RALGPS2: variants seen among roughly 807,000 people sequenced by gnomAD.
RALGPS2 encodes the protein ras-specific guanine nucleotide-releasing factor RalGPS2.
In RALGPS2, 43 loss-of-function variants were observed where a neutral mutation model predicts 86.8. The observed-to-expected ratio is 0.50, with a 90% CI of 0.39 to 0.64. The LOEUF is 0.64. RALGPS2 is among the 30% of genes least tolerant of loss of function. RALGPS2 has a pLI of 0.00. For synonymous variants in RALGPS2, 243 were observed against 231.3 expected, an observed-to-expected ratio of 1.05 and a Z score of -0.46; for missense variants, 536 against 694.6, an observed-to-expected ratio of 0.77 and a Z score of 2.57.
At chr1:178,850,200 C>T (rs1657082687) in intron 8 of RALGPS2, 1 of 152,574 alleles carries the variant, frequency 6.6e-6, no homozygotes, top group Non-Finnish European at 1.5e-5. Flanking sequence ...TGCACTAATA[C>T]TTGTAAAGCT....
intron 8 of RALGPS2, chr1:178,851,441 A>C: frequency 1.2e-5 from 10 of 841,014 alleles, no homozygotes; most frequent in Non-Finnish European, 1.5e-5. Flanking sequence ...CCTTTATCTC[A>C]GCAGTTTTAA....
At position 178,918,628 on chromosome 1, in the gene RALGPS2, TCTGA is replaced by T. The variant is rs554578033; in HGVS notation, c.*2276_*2279del. On this transcript the variant is annotated 3_prime_UTR_variant, in exon 20 of 20. Transcript: ENST00000367635. ...ATAGTTTATAGATAGACTTGTGGCC[TCTGA>T]CTGACTAAATTTCTTAACAGCACAG... 2.3e-3 allele frequency: 355 copies of T among 152,248 alleles called. 1 individual carries two copies. Among genetic ancestry groups the T allele is most frequent in the African/African-American group, 8.4e-3 (349 of 41,574 alleles). 9.4% of individuals were successfully genotyped at this position (152,248 alleles called of 1,614,324 possible). A position where few individuals can be genotyped will look rare whatever the true frequency, so the allele number is the denominator to read the frequency against.
intron 8 of RALGPS2, among the ~76,000 whole-genome samples, chr1:178,862,451 G>A (rs1401915918): frequency 6.6e-6 from 1 of 152,084 alleles, no homozygotes; most frequent in Non-Finnish European, 1.5e-5. Flanking sequence ...TATTCTGAGT[G>A]TATGTAAAGA....
At chr1:178,769,344 T>C (rs1468441648) in intron 1 of RALGPS2, among the ~76,000 whole-genome samples, 1 of 152,044 alleles carries the variant, frequency 6.6e-6, no homozygotes, top group Non-Finnish European at 1.5e-5. Context: ...GTGCTCCAAA[T>C]GCTTGGAGAT....
intron 1 of RALGPS2, among the ~76,000 whole-genome samples, chr1:178,737,497 C>T (rs560464619): frequency 7.3e-4 from 111 of 152,278 alleles, no homozygotes; most frequent in African/African-American, 2.5e-3. Context: ...CCACCTGCCT[C>T]GGCTTCCCAA....
At chr1:178,871,065 T>C (rs892088159) in intron 8 of RALGPS2, 1 of 152,160 alleles carries the variant, frequency 6.6e-6, no homozygotes, top group Non-Finnish European at 1.5e-5. Context: ...CTGACCCAGA[T>C]TGTATATACA....
At position 178,776,740 on chromosome 1, in the gene RALGPS2, A is replaced by G. The variant is rs930645403; in HGVS notation, c.-25A>G. The G allele has an allele frequency of 1.9e-6, 3 of 1,591,286 alleles. No individual in the cohort carries two copies. Among genetic ancestry groups the G allele is most frequent in the Non-Finnish European group, 2.6e-6 (3 of 1,165,012 alleles). ...GTCAGTCCTCTGTTGCTGTTAACATAAGGTCAGGGACTGATGAGGAAAGCA... is the reference window on the plus strand; with the variant it reads ...GTCAGTCCTCTGTTGCTGTTAACATGAGGTCAGGGACTGATGAGGAAAGCA... On this transcript the variant is annotated 5_prime_UTR_variant, in exon 2 of 20. It adds an upstream start codon to the 5' untranslated region. Transcript: ENST00000367635.
chr1:178,859,281 T>G (rs1181984627), intron 8 of RALGPS2, among the ~76,000 whole-genome samples: 2 of 152,100 alleles, frequency 1.3e-5, no homozygotes, highest in Admixed American at 6.5e-5. Context: ...CAATTATACC[T>G]AAAAAGTATA....
At chr1:178,888,397 T>C (rs548487547) in intron 13 of RALGPS2, among the ~76,000 whole-genome samples, 24 of 152,342 alleles carry the variant, frequency 1.6e-4, no homozygotes, top group Middle Eastern at 6.8e-3. Flanking sequence ...TTGAAAATAC[T>C]GTGGGAAAAT....
chr1:178,916,517 A>G lies in RALGPS2; in HGVS notation c.*158A>G. 2 of 619,942 alleles carry G rather than the reference A, an allele frequency of 3.2e-6. No homozygotes were observed. The highest frequency in any genetic ancestry group is 5.4e-6 in the Non-Finnish European group (2 of 371,358). The allele number at this position is 619,942 out of a possible 1,614,324, so 38.4% of individuals were successfully genotyped here. A position where few individuals can be genotyped will look rare whatever the true frequency, so the allele number is the denominator to read the frequency against. On this transcript the variant is annotated 3_prime_UTR_variant, in exon 20 of 20. Transcript: ENST00000367635. The stretch of plus-strand genomic sequence containing the variant: ...ACCAAAAAAGCACTAATTTCAGGGA[A>G]TGATTTGAGATATTCCCAGAGAACA...
At chr1:178,865,826 G>A (rs1471515723) in intron 8 of RALGPS2, 5 of 1,396,696 alleles carry the variant, frequency 3.6e-6, no homozygotes, top group Admixed American at 4.5e-5. Flanking sequence ...AATCAGTGAA[G>A]GAGAAAAAGC....
chr1:178,797,654 T>TA (rs1553264702), intron 4 of RALGPS2, among the ~76,000 whole-genome samples: 1 of 152,174 alleles, frequency 6.6e-6, no homozygotes, highest in Non-Finnish European at 1.5e-5. Flanking sequence ...AGTTACATCT[T>TA]ACATAACTAT....
rs142643039 is a variant in RALGPS2 at position 178,773,168 on chromosome 1, G to A, written c.-83-3514G>A. ...CTATTTTATAGATGATGATGTAATA[G>A]TGATACCCTGTCTCTAAAAAAATGT... is the stretch of plus-strand genomic sequence containing the variant. On this transcript the variant is annotated intron_variant, in intron 1 of 19. Coordinates refer to ENST00000367635, the MANE Select transcript of RALGPS2 (RefSeq NM_152663.5). 5.5e-3 allele frequency among the ~76,000 whole-genome samples: 839 copies of A among 152,260 alleles called. 4 individuals are homozygous for A. The highest frequency in any genetic ancestry group is 0.01 in the Middle Eastern group (3 of 294).
intron 8 of RALGPS2, among the ~76,000 whole-genome samples, chr1:178,843,486 C>T (rs1656703514): frequency 7.5e-6 from 1 of 133,194 alleles, no homozygotes; most frequent in South Asian, 2.4e-4. Flanking sequence ...GGGAATATCA[C>T]ACTCTGGGGA....
Position 178,889,988 on chromosome 1 carries a change from A to G in RALGPS2, c.1247+292A>G, listed in dbSNP as rs115465729. On this transcript the variant is annotated intron_variant, in intron 14 of 19. Transcript: ENST00000367635. ...GATCATCGACAAGTAACCTACTTAC[A>G]TATTCAAAAAATTATTTCCTTAAGT... 9.6e-3 allele frequency among the ~76,000 whole-genome samples: 1,462 copies of G among 152,096 alleles called. 28 individuals carry two copies. Among genetic ancestry groups the G allele is most frequent in the African/African-American group, 0.029 (1,220 of 41,566 alleles).
At chr1:178,810,187 C>T (rs1198440262) in intron 5 of RALGPS2, among the ~76,000 whole-genome samples, 1 of 151,928 alleles carries the variant, frequency 6.6e-6, no homozygotes, top group Non-Finnish European at 1.5e-5. Context: ...AGTTTGAGAC[C>T]AGCTTGGGCA....
chr1:178,795,311 T>C (rs1337859792), intron 4 of RALGPS2, among the ~76,000 whole-genome samples: 1 of 152,194 alleles, frequency 6.6e-6, no homozygotes, highest in African/African-American at 2.4e-5. Flanking sequence ...TCTATATAAC[T>C]GGGATCACTA....
At chr1:178,742,136 A>AG (rs1187443241) in intron 1 of RALGPS2, among the ~76,000 whole-genome samples, 1 of 149,920 alleles carries the variant, frequency 6.7e-6, no homozygotes, top group African/African-American at 2.5e-5. Context: ...TTCCGTCAAA[A>AG]AAAAAAAAAA....
intron 18 of RALGPS2, among the ~76,000 whole-genome samples, chr1:178,906,374 C>CAAAA (rs553692347): frequency 7.3e-6 from 1 of 136,342 alleles, no homozygotes; most frequent in Admixed American, 7.4e-5. Flanking sequence ...GACTCCATCT[C>CAAAA]AAAAAAAAAA....
Sources: gnomAD v4.1 joint callset for allele counts (sites outside exome capture counted in the v4.1 genomes callset) on GRCh38, gnomAD v4.1.1 for gene constraint, MANE v1.5 for transcripts, NCBI Gene and HGNC (gene_info 2026-07-23, HGNC 2026-07-21) for gene names.